LUZP2: variants seen among roughly 807,000 people sequenced by gnomAD.
LUZP2 encodes the protein leucine zipper protein 2.
A neutral mutation model predicts 51.6 loss-of-function variants in LUZP2; 52 were observed. That is an observed-to-expected ratio of 1.01 (90% CI 0.81 to 1.27). LUZP2 has a LOEUF of 1.27. Ranked by LOEUF, LUZP2 falls within the 50% of genes most tolerant of loss-of-function variation. The pLI, the probability that LUZP2 is intolerant of heterozygous loss-of-function variation, is 0.00. For missense variants in LUZP2, 436 were observed against 395.4 expected (o/e 1.10, Z -0.87); for synonymous variants, 154 against 137.3 (o/e 1.12, Z -0.85).
intron 7 of LUZP2, among the ~76,000 whole-genome samples, chr11:24,947,617 T>C (rs1854936399): frequency 6.6e-6 from 1 of 151,974 alleles, no homozygotes; most frequent in Non-Finnish European, 1.5e-5. Flanking sequence ...TAGTGTTTCT[T>C]GTGAAATACT....
At chr11:24,851,646 G>T (rs1251913570) in intron 5 of LUZP2, among the ~76,000 whole-genome samples, 1 of 152,158 alleles carries the variant, frequency 6.6e-6, no homozygotes, top group Non-Finnish European at 1.5e-5. Context: ...GATTTAGGGA[G>T]TAGTCCTTCT....
At chr11:24,787,938 C>T (rs1398110807) in intron 5 of LUZP2, among the ~76,000 whole-genome samples, 1 of 151,848 alleles carries the variant, frequency 6.6e-6, no homozygotes, top group East Asian at 2.0e-4. Context: ...CTTATCCTTT[C>T]TTAAAGCAAG....
intron 9 of LUZP2, among the ~76,000 whole-genome samples, chr11:25,004,591 G>A (rs188229785): frequency 6.6e-6 from 1 of 152,316 alleles, no homozygotes; most frequent in East Asian, 1.9e-4. Flanking sequence ...ACCCTCGAGT[G>A]ATTAGGGTGA....
chr11:24,766,108 A>T (rs1185109699), intron 5 of LUZP2, among the ~76,000 whole-genome samples: 1 of 152,004 alleles, frequency 6.6e-6, no homozygotes, highest in Non-Finnish European at 1.5e-5. Context: ...CCAGTTACCT[A>T]TATCTTCTCA....
Position 24,716,290 on chromosome 11 carries a change from G to C in LUZP2, c.63-12879G>C, listed in dbSNP as rs547306423. ...TGTCATGGCACTACTCCAGAGCTTTGAATTTTATGAAATTTCTATCCAAAG... is the reference window on the plus strand; with the variant it reads ...TGTCATGGCACTACTCCAGAGCTTTCAATTTTATGAAATTTCTATCCAAAG... On this transcript the variant is annotated intron_variant, in intron 1 of 11. Coordinates refer to ENST00000336930, the MANE Select transcript of LUZP2 (RefSeq NM_001009909.4). 3.1e-3 allele frequency among the ~76,000 whole-genome samples: 471 copies of C among 152,180 alleles called. 2 individuals carry two copies. Among genetic ancestry groups the C allele is most frequent in the African/African-American group, 0.01 (427 of 41,524 alleles).
At chr11:24,758,137 A>G (rs1238708633) in intron 4 of LUZP2, among the ~76,000 whole-genome samples, 1 of 152,140 alleles carries the variant, frequency 6.6e-6, no homozygotes, top group East Asian at 1.9e-4. Flanking sequence ...ATGAATGTAG[A>G]TGTAAAAATT....
At chr11:24,663,074 G>A (rs1856075432) in intron 1 of LUZP2, among the ~76,000 whole-genome samples, 1 of 151,988 alleles carries the variant, frequency 6.6e-6, no homozygotes, top group Non-Finnish European at 1.5e-5. Context: ...ACATTTTGAT[G>A]TATTTTATCT....
At chr11:24,952,392 A>G (rs1320579127) in intron 7 of LUZP2, among the ~76,000 whole-genome samples, 1 of 151,750 alleles carries the variant, frequency 6.6e-6, no homozygotes, top group South Asian at 2.1e-4. Flanking sequence ...ATTGAAGTGA[A>G]TGGGATAAGC....
At chr11:24,840,726 C>T (rs959267681) in intron 5 of LUZP2, among the ~76,000 whole-genome samples, 1 of 151,688 alleles carries the variant, frequency 6.6e-6, no homozygotes, top group East Asian at 1.9e-4. Flanking sequence ...CCAAGGTTAC[C>T]AAAGTATTAC....
intron 1 of LUZP2, among the ~76,000 whole-genome samples, chr11:24,627,844 C>T (rs1285646236): frequency 6.6e-6 from 1 of 152,180 alleles, no homozygotes; most frequent in African/African-American, 2.4e-5. Flanking sequence ...GCATTCCCTC[C>T]AGCTTACTCT....
rs180981720 is a variant in LUZP2 at position 24,968,933 on chromosome 11, G to C, written c.523-7658G>C. The stretch of plus-strand genomic sequence containing the variant: ...ACAATTGGTTCACAGTTGTTTATAG[G>C]AGGAGGGCTAGTCCAATATTGATTA... On this transcript the variant is annotated intron_variant, in intron 7 of 11. Coordinates refer to ENST00000336930, the MANE Select transcript of LUZP2 (RefSeq NM_001009909.4). Among the ~76,000 whole-genome samples the C allele has an allele frequency of 2.0e-5, 3 of 152,314 alleles. No individual in the cohort carries two copies. The East Asian group carries it at 5.8e-4, about 29-fold the overall frequency.
In LUZP2 at chr11:25,081,541, T is replaced by G. The variant is rs1590908101; in HGVS notation, c.*2883T>G. ...TGACTGTACCTTAATGAATGCATTT[T>G]ATTTATCTCAATTTTTATTTGCTTC... On this transcript the variant is annotated 3_prime_UTR_variant, in exon 12 of 12. Transcript: ENST00000336930. 1 of 152,298 alleles carries G rather than the reference T, an allele frequency of 6.6e-6. No homozygotes were observed. Among genetic ancestry groups the G allele is most frequent in the East Asian group, 1.9e-4 (1 of 5,182 alleles). The allele number at this position is 152,298 out of a possible 1,614,324, so 9.4% of individuals were successfully genotyped here.
rs957221230 is a variant in LUZP2 at position 24,876,591 on chromosome 11, G to A, written c.397-29400G>A. The stretch of plus-strand genomic sequence containing the variant: ...GACTTGGCGATGCGGGCTCTTTTTT[G>A]GTTCCATATGAACTTTAAAGTAGTT... On this transcript the variant is annotated intron_variant, in intron 5 of 11. Transcript: ENST00000336930. Among the ~76,000 whole-genome samples, 15 of 149,300 alleles carry A rather than the reference G, an allele frequency of 1.0e-4. 1 individual carries two copies. The highest frequency in any genetic ancestry group is 4.0e-4 in the East Asian group (2 of 4,994).
At chr11:24,984,549 T>TATATATATAA (rs60530495) in intron 9 of LUZP2, among the ~76,000 whole-genome samples, 2,127 of 71,188 alleles carry the variant, frequency 0.03, 65 homozygotes, top group East Asian at 0.059. Context: ...TATATATATA[T>TATATATATAA]AATTGTGAAT....
At chr11:24,526,034 G>T (rs909630376) in intron 1 of LUZP2, among the ~76,000 whole-genome samples, 2 of 151,156 alleles carry the variant, frequency 1.3e-5, no homozygotes, top group African/African-American at 2.4e-5. Context: ...AAATACTGAG[G>T]TACTTTCAAT....
intron 5 of LUZP2, among the ~76,000 whole-genome samples, chr11:24,826,190 A>AAAAAAAAAAAATATAT (rs1215786412): frequency 1.5e-5 from 1 of 67,536 alleles, no homozygotes; most frequent in African/African-American, 5.9e-5. Context: ...AAAAAAAAAA[A>AAAAAAAAAAAATATAT]ATATATATAT....
intron 5 of LUZP2, among the ~76,000 whole-genome samples, chr11:24,802,561 A>T (rs913259908): frequency 6.6e-6 from 1 of 151,936 alleles, no homozygotes; most frequent in African/African-American, 2.4e-5. Flanking sequence ...AAATATATTC[A>T]TAATGTTGTG....
intron 1 of LUZP2, among the ~76,000 whole-genome samples, chr11:24,628,459 T>C (rs528386838): frequency 6.6e-6 from 1 of 152,320 alleles, no homozygotes; most frequent in East Asian, 1.9e-4. Context: ...CTTAAGATGC[T>C]TTTTTTCTTT....
chr11:24,699,458 T>C (rs890622273), intron 1 of LUZP2, among the ~76,000 whole-genome samples: 1 of 152,084 alleles, frequency 6.6e-6, no homozygotes, highest in Non-Finnish European at 1.5e-5. Context: ...TACAGATGCA[T>C]TGAATACTAA....
Sources: gnomAD v4.1 joint callset for allele counts (sites outside exome capture counted in the v4.1 genomes callset) on GRCh38, gnomAD v4.1.1 for gene constraint, MANE v1.5 for transcripts, NCBI Gene and HGNC (gene_info 2026-07-23, HGNC 2026-07-21) for gene names.